The following PNPLA1 variants were observed in gnomAD, a reference collection of about 807,000 sequenced individuals.
PNPLA1 encodes patatin like domain 1, omega-hydroxyceramide transacylase.
A neutral mutation model predicts 51.7 loss-of-function variants in PNPLA1; 36 were observed. The observed-to-expected ratio is 0.70, with a 90% CI of 0.53 to 0.92. The LOEUF (loss-of-function observed/expected upper bound fraction) is 0.92. Ranked by LOEUF, PNPLA1 falls within the 40% of genes least tolerant of loss-of-function variation. The pLI is 0.00. For missense variants in PNPLA1, 658 were observed against 682.5 expected (o/e 0.96, Z 0.40); for synonymous variants, 293 against 280.1 (o/e 1.05, Z -0.46).
chr6:36,264,192 T>A (rs886943709), intron 1 of PNPLA1, among the ~76,000 whole-genome samples: 1 of 152,218 alleles, frequency 6.6e-6, no homozygotes, highest in African/African-American at 2.4e-5. Flanking sequence ...TAAACCCACA[T>A]TGTGACCTGA....
At position 36,291,504 on chromosome 6, in the gene PNPLA1, G is replaced by A. The variant is rs759678766; in HGVS notation, c.390G>A (p.Gly130=). 3 of 1,407,498 alleles carry A rather than the reference G, an allele frequency of 2.1e-6. No individual in the cohort carries two copies. The highest frequency in any genetic ancestry group is 2.3e-5 in the South Asian group (2 of 88,662). The allele number at this position is 1,407,498 out of a possible 1,614,324, so 87.2% of individuals were successfully genotyped here. The change falls in exon 2 of 9, where the codon GGG becomes GGA. Residue 130 remains glycine, a synonymous_variant. Coordinates refer to ENST00000636260, the MANE Select transcript of PNPLA1 (RefSeq NM_001374623.1). ...LHVSLTRLTD[G]ENVVVSEFTS... ...TGAGCCTCACCCGCTTAACGGACGGGGAGAATGTGGTGGTTTCAGAGTTCA... is the reference window on the plus strand; with the variant it reads ...TGAGCCTCACCCGCTTAACGGACGGAGAGAATGTGGTGGTTTCAGAGTTCA...
At chr6:36,306,264 C>A in intron 6 of PNPLA1, 28 bp from the exon 7 acceptor site, 1 of 1,568,622 alleles carries the variant, frequency 6.4e-7, no homozygotes, top group African/African-American at 1.4e-5. Context: ...CCCCATCTCA[C>A]TCCCGTTTCC....
At chr6:36,282,212 G>GGGAAGGAA (rs147876798) in intron 1 of PNPLA1, among the ~76,000 whole-genome samples, 25,420 of 108,524 alleles carry the variant, frequency 0.23, 3,469 homozygotes, top group East Asian at 0.29. Context: ...AAGGAAGGAA[G>GGGAAGGAA]GGAAGGAAGG....
chr6:36,250,997 C>T (rs998257631), intron 1 of PNPLA1, among the ~76,000 whole-genome samples: 12 of 152,148 alleles, frequency 7.9e-5, no homozygotes, highest in Non-Finnish European at 1.3e-4. Flanking sequence ...CCACAGCGCC[C>T]GGCCTGTAAA....
chr6:36,278,541 C>T (rs1264361047), intron 1 of PNPLA1, among the ~76,000 whole-genome samples: 1 of 152,150 alleles, frequency 6.6e-6, no homozygotes, highest in Non-Finnish European at 1.5e-5. Context: ...AAACTGTGTT[C>T]CAGGGATCCT....
chr6:36,265,328 C>T (rs1302187164), upstream of PNPLA1, among the ~76,000 whole-genome samples: 5 of 151,818 alleles, frequency 3.3e-5, no homozygotes, highest in East Asian at 1.9e-4. Flanking sequence ...GCAACAAAAG[C>T]GAAACTCTGT....
chr6:36,256,709 G>A (rs988692415), intron 1 of PNPLA1, among the ~76,000 whole-genome samples: 1 of 152,130 alleles, frequency 6.6e-6, no homozygotes, highest in Non-Finnish European at 1.5e-5. Flanking sequence ...GGCTCTTAAA[G>A]TGCTGGGATT....
At chr6:36,305,562 T>A (rs1163072769) in intron 6 of PNPLA1, among the ~76,000 whole-genome samples, 1 of 152,038 alleles carries the variant, frequency 6.6e-6, no homozygotes, top group Non-Finnish European at 1.5e-5. Context: ...CCCATACTCA[T>A]TAAAAACATG....
At chr6:36,267,240 C>T (rs1027244663), upstream of PNPLA1, among the ~76,000 whole-genome samples, 1 of 152,146 alleles carries the variant, frequency 6.6e-6, no homozygotes, top group East Asian at 1.9e-4. Flanking sequence ...GTTCTTAGGG[C>T]GTGAGTAGAG....
upstream of PNPLA1, among the ~76,000 whole-genome samples, chr6:36,267,524 G>A (rs887439146): frequency 5.3e-5 from 8 of 152,148 alleles, no homozygotes; most frequent in African/African-American, 1.4e-4. Context: ...GAAGTCAGCC[G>A]GGTCCAAGCA....
chr6:36,263,274 A>G (rs929622975), intron 1 of PNPLA1, among the ~76,000 whole-genome samples: 5 of 152,210 alleles, frequency 3.3e-5, no homozygotes, highest in African/African-American at 1.2e-4. Flanking sequence ...GATATTTCCA[A>G]TGCATTCAGC....
intron 1 of PNPLA1, among the ~76,000 whole-genome samples, chr6:36,290,345 G>T (rs10947597): frequency 1.3e-5 from 2 of 152,126 alleles, no homozygotes; most frequent in Admixed American, 1.3e-4. Flanking sequence ...AAGCAGGTGT[G>T]GGCTCGGCTG....
At chr6:36,245,471 T>G (rs574282783) in intron 1 of PNPLA1, among the ~76,000 whole-genome samples, 1 of 152,364 alleles carries the variant, frequency 6.6e-6, no homozygotes, top group South Asian at 2.1e-4. Flanking sequence ...GAACTTCCCT[T>G]GAAAGAACTC....
At chr6:36,293,552 G>A (rs1351590619) in intron 3 of PNPLA1, among the ~76,000 whole-genome samples, 1 of 152,230 alleles carries the variant, frequency 6.6e-6, no homozygotes, top group Non-Finnish European at 1.5e-5. Context: ...TCTGATCCAG[G>A]CGGTCTGAGG....
chr6:36,268,554 C>T (rs1353618032), upstream of PNPLA1, among the ~76,000 whole-genome samples: 1 of 152,188 alleles, frequency 6.6e-6, no homozygotes, highest in African/African-American at 2.4e-5. Context: ...GCCTGCTCCT[C>T]CCAGCTGCCT....
chr6:36,291,680 T>G, intron 2 of PNPLA1, 128 bp downstream of exon 2: 1 of 789,978 alleles, frequency 1.3e-6, no homozygotes, highest in South Asian at 1.7e-5. Flanking sequence ...CCTTCCTTCA[T>G]GCCCCCAGAG....
intron 6 of PNPLA1, among the ~76,000 whole-genome samples, chr6:36,303,134 G>A (rs1489238847): frequency 4.6e-5 from 7 of 151,874 alleles, no homozygotes; most frequent in African/African-American, 9.7e-5. Flanking sequence ...TCGCTCTGTC[G>A]CCCAGGCTAG....
At chr6:36,277,982 G>A (rs943993455) in intron 1 of PNPLA1, among the ~76,000 whole-genome samples, 38 of 152,332 alleles carry the variant, frequency 2.5e-4, no homozygotes, top group African/African-American at 8.7e-4. Context: ...CAGTCTTGCA[G>A]CAGGGGGCCT....
chr6:36,282,894 A>G (rs1385450580), intron 1 of PNPLA1, among the ~76,000 whole-genome samples: 1 of 152,196 alleles, frequency 6.6e-6, no homozygotes, highest in Non-Finnish European at 1.5e-5. Flanking sequence ...CATCTTGGCC[A>G]GGCTGGTCTT....
Sources: gnomAD v4.1 joint callset for allele counts (sites outside exome capture counted in the v4.1 genomes callset) on GRCh38, gnomAD v4.1.1 for gene constraint, MANE v1.5 for transcripts, NCBI Gene and HGNC (gene_info 2026-07-23, HGNC 2026-07-21) for gene names.